ADCY9: variants seen among roughly 807,000 people sequenced by gnomAD.
ADCY9 encodes the protein adenylate cyclase type 9.
In ADCY9, 50 loss-of-function variants were observed where a neutral mutation model predicts 101.5. That is an observed-to-expected ratio of 0.49 (90% CI 0.39 to 0.62). The LOEUF is 0.62. Ranked by LOEUF, ADCY9 falls within the 20% of genes least tolerant of loss-of-function variation. The pLI, the probability that ADCY9 is intolerant of heterozygous loss-of-function variation, is 0.00. For missense variants in ADCY9, 1,662 were observed against 1,800.4 expected (o/e 0.92, Z 1.39); for synonymous variants, 905 against 769.3 (o/e 1.18, Z -2.92).
At chr16:4,095,640 C>G (rs2601803) in intron 2 of ADCY9, among the ~76,000 whole-genome samples, 17,785 of 152,078 alleles carry the variant, frequency 0.12, 1,540 homozygotes, top group East Asian at 0.43. Flanking sequence ...TTCACATTTT[C>G]TCCAAGCCAT....
rs1454709335 is a variant in ADCY9, at chr16:4,100,802, GA to G, written c.1693+12947del. Reference sequence around the variant, plus strand: ...TCAGTCTGTAAATGGTATAGAAAGGGAAAGAACCAAGCAAATAAAAGCATCT... The same window carrying G: ...TCAGTCTGTAAATGGTATAGAAAGGGAAGAACCAAGCAAATAAAAGCATCT... On this transcript the variant is annotated intron_variant, in intron 2 of 10. Transcript: ENST00000294016. Among the ~76,000 whole-genome samples, 5 of 151,636 alleles carry G rather than the reference GA, an allele frequency of 3.3e-5. No individual in the cohort carries two copies. In the East Asian group the frequency reaches 5.8e-4, roughly 18 times the overall value.
chr16:3,976,282 A>C (rs1464263318), intron 9 of ADCY9, among the ~76,000 whole-genome samples: 2 of 152,210 alleles, frequency 1.3e-5, no homozygotes, highest in Non-Finnish European at 2.9e-5. Flanking sequence ...CGTGAGCACC[A>C]AGACCGGCTG....
chr16:3,961,640 C>A (rs1330596670), downstream of ADCY9, among the ~76,000 whole-genome samples: 3 of 152,102 alleles, frequency 2.0e-5, no homozygotes, highest in African/African-American at 7.2e-5. Context: ...TGCACCCCCG[C>A]AAGTCCATGA....
intron 2 of ADCY9, among the ~76,000 whole-genome samples, chr16:4,042,331 G>A (rs1326611975): frequency 6.6e-6 from 1 of 152,120 alleles, no homozygotes; most frequent in African/African-American, 2.4e-5. Flanking sequence ...CTCTCAAAGT[G>A]CTGGGATTAC....
At chr16:3,974,334 G>A (rs1287841390) in intron 10 of ADCY9, among the ~76,000 whole-genome samples, 1 of 152,222 alleles carries the variant, frequency 6.6e-6, no homozygotes, top group Non-Finnish European at 1.5e-5. Flanking sequence ...GTGAGCCACC[G>A]TGCCTGGCTG....
At position 4,096,842 on chromosome 16, in the gene ADCY9, A is replaced by G. The variant is rs575719469; in HGVS notation, c.1693+16908T>C. Among the ~76,000 whole-genome samples the G allele has an allele frequency of 2.6e-5, 4 of 152,328 alleles. No homozygotes were observed. In the South Asian group the frequency reaches 8.3e-4, roughly 32 times the overall value. On this transcript the variant is annotated intron_variant, in intron 2 of 10. Transcript: ENST00000294016. ...TAGTTAATATTTCCCAAACAACTCA[A>G]ACACGAAAATAAATGATTCAAAAGC...
intron 3 of ADCY9, among the ~76,000 whole-genome samples, chr16:3,998,947 C>A (rs2056311125): frequency 1.3e-5 from 2 of 151,918 alleles, no homozygotes; most frequent in Non-Finnish European, 2.9e-5. Flanking sequence ...CTCCTACCCC[C>A]CAACCCCCAT....
At chr16:4,058,515 T>C (rs945395608) in intron 2 of ADCY9, among the ~76,000 whole-genome samples, 2 of 149,598 alleles carry the variant, frequency 1.3e-5, no homozygotes, top group African/African-American at 4.9e-5. Context: ...CTCCAAGCAA[T>C]GTGACACCAG....
At chr16:4,019,938 C>T (rs928882669) in intron 2 of ADCY9, among the ~76,000 whole-genome samples, 1 of 152,056 alleles carries the variant, frequency 6.6e-6, no homozygotes, top group Non-Finnish European at 1.5e-5. Context: ...ATTAACCGGG[C>T]GTGGTGGCGG....
In ADCY9 at chr16:4,050,534, G is replaced by A. The variant is rs534904026; in HGVS notation, c.1694-42976C>T. ...TTTGAGACCCAGCCTGACCAACATG[G>A]TGAAACCCCGTCTCTACTAAAAATA... On this transcript the variant is annotated intron_variant, in intron 2 of 10. Transcript: ENST00000294016. Among the ~76,000 whole-genome samples, 58 of 152,068 alleles carry A rather than the reference G, an allele frequency of 3.8e-4. No individual in the cohort carries two copies. In the Middle Eastern group the frequency reaches 0.014, roughly 36 times the overall value.
chr16:4,079,687 TTTAATGGTG>T (rs2056889849), intron 2 of ADCY9, among the ~76,000 whole-genome samples: 1 of 152,234 alleles, frequency 6.6e-6, no homozygotes. Flanking sequence ...GTTAATGGTG[TTTAATGGTG>T]TTAATGGTGT....
intron 2 of ADCY9, among the ~76,000 whole-genome samples, chr16:4,045,834 G>A (rs1389866683): frequency 6.7e-6 from 1 of 150,008 alleles, no homozygotes; most frequent in East Asian, 2.0e-4. Flanking sequence ...GAGTAGCTGG[G>A]ACTACAGACA....
At chr16:4,040,153 T>C (rs1188193180) in intron 2 of ADCY9, among the ~76,000 whole-genome samples, 1 of 152,208 alleles carries the variant, frequency 6.6e-6, no homozygotes, top group Non-Finnish European at 1.5e-5. Context: ...TTTTGGTTTC[T>C]GAGAACAAAT....
intron 2 of ADCY9, among the ~76,000 whole-genome samples, chr16:4,089,732 C>T (rs139227302): frequency 3.8e-4 from 58 of 152,066 alleles, no homozygotes; most frequent in African/African-American, 1.3e-3. Context: ...GAGACAAGAC[C>T]ATGGTTTCTT....
At chr16:3,980,599 C>T (rs1431458907) in intron 7 of ADCY9, among the ~76,000 whole-genome samples, 4 of 152,200 alleles carry the variant, frequency 2.6e-5, no homozygotes, top group Non-Finnish European at 4.4e-5. Context: ...CATGCCTCTC[C>T]CTCTTGGCTG....
intron 2 of ADCY9, among the ~76,000 whole-genome samples, chr16:4,111,770 C>A (rs371554656): frequency 6.7e-5 from 10 of 149,766 alleles, no homozygotes; most frequent in African/African-American, 2.2e-4. Context: ...ATACAATGTA[C>A]ACAAATGTCA....
downstream of ADCY9, among the ~76,000 whole-genome samples, chr16:3,958,205 T>C (rs2141662576): frequency 6.6e-6 from 1 of 152,012 alleles, no homozygotes; most frequent in African/African-American, 2.4e-5. Context: ...TCTGGGACCC[T>C]CCCGCCAGGA....
At chr16:4,007,090 C>T (rs1000570126) in intron 3 of ADCY9, among the ~76,000 whole-genome samples, 1 of 152,138 alleles carries the variant, frequency 6.6e-6, no homozygotes, top group South Asian at 2.1e-4. Flanking sequence ...CCAAAAGGCA[C>T]CACAGGTCCC....
rs763398960 is a variant in ADCY9, at chr16:3,966,903, G to A, written c.2934C>T (p.Ile978=). The A allele has an allele frequency of 1.3e-5, 21 of 1,613,938 alleles. No homozygotes were observed. The highest frequency in any genetic ancestry group is 3.3e-5 in the Admixed American group (2 of 60,008). Residue 978 remains isoleucine (I), a synonymous_variant, in exon 11 of 11, where the codon ATC becomes ATT. Coordinates refer to ENST00000294016, the MANE Select transcript of ADCY9 (RefSeq NM_001116.4). ...AGAAGACGAGAACCACCTCCTGGCC[G>A]ATGAGGCTGGCGGGCCGCCGGAGGT... ...PRDLRRPASL[I]GQEVVLVFFL...
Sources: gnomAD v4.1 joint callset for allele counts (sites outside exome capture counted in the v4.1 genomes callset) on GRCh38, gnomAD v4.1.1 for gene constraint, MANE v1.5 for transcripts, NCBI Gene and HGNC (gene_info 2026-07-23, HGNC 2026-07-21) for gene names.